TRHDE: variants seen among roughly 807,000 people sequenced by gnomAD.
TRHDE encodes the protein thyrotropin releasing hormone degrading enzyme.
A neutral mutation model predicts 125.7 loss-of-function variants in TRHDE; 72 were observed. That is an observed-to-expected ratio of 0.57 (90% CI 0.47 to 0.70). The LOEUF is 0.70. TRHDE is among the 30% of genes least tolerant of loss of function. The pLI is 0.00. For synonymous variants in TRHDE, 509 were observed against 509.1 expected (o/e 1.00, Z 0.00); for missense variants, 1,110 against 1,327.1 (o/e 0.84, Z 2.54).
At chr12:72,554,262 A>G (rs942923989) in intron 7 of TRHDE, among the ~76,000 whole-genome samples, 3 of 152,138 alleles carry the variant, frequency 2.0e-5, no homozygotes, top group African/African-American at 7.2e-5. Context: ...TGCTATTAAA[A>G]TAACTGAAGT....
chr12:72,542,399 C>T, intron 7 of TRHDE, 43 bp downstream of exon 7: 1 of 1,522,144 alleles, frequency 6.6e-7, no homozygotes, highest in Non-Finnish European at 9.0e-7. Context: ...TTTTCCTTGT[C>T]AATATATTTC....
At chr12:72,445,546 C>A (rs992983487) in intron 3 of TRHDE, among the ~76,000 whole-genome samples, 4 of 151,838 alleles carry the variant, frequency 2.6e-5, no homozygotes, top group African/African-American at 9.7e-5. Context: ...TGTTGCTTTG[C>A]TGAATTCATG....
intron 13 of TRHDE, among the ~76,000 whole-genome samples, chr12:72,620,759 A>G (rs1449800386): frequency 1.3e-5 from 2 of 152,098 alleles, no homozygotes; most frequent in South Asian, 2.1e-4. Context: ...TTCATATAGT[A>G]TATCTATATA....
chr12:72,132,646 A>G (rs149235297), intron 2 of TRHDE, among the ~76,000 whole-genome samples: 1 of 152,236 alleles, frequency 6.6e-6, no homozygotes, highest in Non-Finnish European at 1.5e-5. Flanking sequence ...CACACATCAA[A>G]CCTTGGTGTT....
intron 15 of TRHDE, among the ~76,000 whole-genome samples, chr12:72,622,476 C>A (rs1277421085): frequency 1.3e-5 from 2 of 152,054 alleles, no homozygotes; most frequent in South Asian, 2.1e-4. Flanking sequence ...ACACTTTGGA[C>A]AACTGATATC....
At chr12:72,213,044 C>G (rs1877815453) in intron 2 of TRHDE, among the ~76,000 whole-genome samples, 1 of 152,018 alleles carries the variant, frequency 6.6e-6, no homozygotes, top group African/African-American at 2.4e-5. Context: ...ATAGATAAAC[C>G]TTTTCCACAT....
chr12:72,270,584 A>G (rs1879173539), upstream of TRHDE, among the ~76,000 whole-genome samples: 2 of 152,266 alleles, frequency 1.3e-5, no homozygotes, highest in Admixed American at 1.3e-4. Context: ...CATGATTTGT[A>G]AAATGCCTTC....
intron 2 of TRHDE, among the ~76,000 whole-genome samples, chr12:72,349,502 A>T (rs1231983443): frequency 2.6e-5 from 4 of 151,694 alleles, no homozygotes; most frequent in Non-Finnish European, 4.4e-5. Context: ...AGTAAAAAGG[A>T]TTCCTTTAAA....
intron 2 of TRHDE, among the ~76,000 whole-genome samples, chr12:72,370,418 A>C (rs1377227893): frequency 6.6e-6 from 1 of 152,092 alleles, no homozygotes; most frequent in East Asian, 1.9e-4. Flanking sequence ...CTAAAACCTA[A>C]TTCTGATCAT....
intron 2 of TRHDE, among the ~76,000 whole-genome samples, chr12:72,191,322 C>G (rs1190929863): frequency 1.3e-5 from 2 of 152,140 alleles, no homozygotes; most frequent in East Asian, 3.9e-4. Flanking sequence ...GTATCAGGGA[C>G]AGCAGCTCTC....
rs1291090845 is a variant in TRHDE at position 72,623,655 on chromosome 12, A to C, written c.2675+1904A>C. 2.0e-5 allele frequency among the ~76,000 whole-genome samples: 3 copies of C among 152,158 alleles called. No homozygotes were observed. In the East Asian group the frequency reaches 5.8e-4, roughly 29 times the overall value. ...GATAGAGTGTGAACACAAAGAAAGGAAACATTACTATCTTGGAGGGATCTC... is the reference window on the plus strand; with the variant it reads ...GATAGAGTGTGAACACAAAGAAAGGCAACATTACTATCTTGGAGGGATCTC... On this transcript the variant is annotated intron_variant, in intron 15 of 18. Transcript: ENST00000261180.
chr12:72,369,532 A>C (rs567844056), intron 2 of TRHDE, among the ~76,000 whole-genome samples: 1 of 152,204 alleles, frequency 6.6e-6, no homozygotes, highest in Non-Finnish European at 1.5e-5. Flanking sequence ...ATAAATGTAG[A>C]CTAGATGAGA....
chr12:72,450,925 C>T (rs1437613051), intron 3 of TRHDE, among the ~76,000 whole-genome samples: 1 of 151,942 alleles, frequency 6.6e-6, no homozygotes, highest in African/African-American at 2.4e-5. Flanking sequence ...TCATATACTT[C>T]TTGGCCATTT....
At chr12:72,343,400 T>C (rs1195869442) in intron 2 of TRHDE, among the ~76,000 whole-genome samples, 2 of 152,140 alleles carry the variant, frequency 1.3e-5, no homozygotes, top group Non-Finnish European at 2.9e-5. Flanking sequence ...TCACATTTGA[T>C]TGAAAAAAAT....
At chr12:72,240,320 T>G (rs1592496322) in intron 2 of TRHDE, among the ~76,000 whole-genome samples, 1 of 148,030 alleles carries the variant, frequency 6.8e-6, no homozygotes, top group Admixed American at 6.8e-5. Flanking sequence ...TATATATATA[T>G]ATATATATTT....
intron 2 of TRHDE, among the ~76,000 whole-genome samples, chr12:72,210,317 A>T (rs1008205108): frequency 6.6e-6 from 1 of 152,110 alleles, no homozygotes; most frequent in Non-Finnish European, 1.5e-5. Context: ...TCTTGACATG[A>T]CAGTATTCTG....
intron 12 of TRHDE, among the ~76,000 whole-genome samples, chr12:72,603,676 G>T (rs966242265): frequency 7.9e-5 from 12 of 152,098 alleles, no homozygotes; most frequent in Admixed American, 3.9e-4. Context: ...AGTGAGCCGA[G>T]ATTGCGCCAC....
At chr12:72,344,338 C>T (rs533318763) in intron 2 of TRHDE, among the ~76,000 whole-genome samples, 8 of 152,150 alleles carry the variant, frequency 5.3e-5, no homozygotes, top group East Asian at 1.9e-4. Flanking sequence ...CTAGCAAGTA[C>T]GTGCTTAATA....
At chr12:72,302,433 T>C (rs917490730) in intron 2 of TRHDE, among the ~76,000 whole-genome samples, 1 of 152,140 alleles carries the variant, frequency 6.6e-6, no homozygotes, top group East Asian at 1.9e-4. Context: ...AAAAATTGGA[T>C]TAAAAATAAT....
Sources: allele counts gnomAD v4.1 joint callset (sites outside exome capture counted in the v4.1 genomes callset), GRCh38; gene constraint gnomAD v4.1.1; transcripts MANE v1.5; gene names NCBI Gene and HGNC (gene_info 2026-07-23, HGNC 2026-07-21).